Variants in CFAP54 observed in about 807,000 individuals in gnomAD.
CFAP54 encodes the protein cilia and flagella associated protein 54.
A neutral mutation model predicts 370.4 loss-of-function variants in CFAP54; 290 were observed. The observed-to-expected ratio is 0.78, with a 90% CI of 0.71 to 0.86. The LOEUF is 0.86. Ranked by LOEUF, CFAP54 falls within the 40% of genes least tolerant of loss-of-function variation. The pLI, the probability that CFAP54 is intolerant of heterozygous loss-of-function variation, is 0.00. For synonymous variants in CFAP54, 1,206 were observed against 1,236.5 expected (o/e 0.98, Z 0.52); for missense variants, 3,399 against 3,528.7 (o/e 0.96, Z 0.93).
At chr12:96,627,106 A>G (rs983746025) in intron 30 of CFAP54, among the ~76,000 whole-genome samples, 167 bp downstream of exon 30, 3 of 152,232 alleles carry the variant, frequency 2.0e-5, no homozygotes, top group Non-Finnish European at 1.5e-5. Flanking sequence ...AATAACTAAA[A>G]ATAAAAATAT....
intron 39 of CFAP54, among the ~76,000 whole-genome samples, chr12:96,675,365 G>A (rs976158449): frequency 6.6e-5 from 10 of 152,100 alleles, no homozygotes; most frequent in Non-Finnish European, 8.8e-5. Flanking sequence ...CATCAGAGAA[G>A]TGCAAATCAA....
chr12:96,651,492 T>C, intron 35 of CFAP54, 96 bp from the exon 36 acceptor site: 1 of 945,734 alleles, frequency 1.1e-6, no homozygotes, highest in Non-Finnish European at 1.6e-6. Context: ...TAGTTATTTT[T>C]ACTATTGACA....
At chr12:96,772,093 T>C (rs1958468604) in intron 60 of CFAP54, among the ~76,000 whole-genome samples, 2 of 152,204 alleles carry the variant, frequency 1.3e-5, no homozygotes, top group Non-Finnish European at 2.9e-5. Flanking sequence ...GTTTAATTCA[T>C]TTTTTTGAAT....
chr12:96,687,828 A>G (rs1957344469), intron 42 of CFAP54, among the ~76,000 whole-genome samples: 1 of 152,236 alleles, frequency 6.6e-6, no homozygotes, highest in Non-Finnish European at 1.5e-5. Context: ...GGAAAGGAAC[A>G]GCTTGGAAAG....
intron 65 of CFAP54, among the ~76,000 whole-genome samples, chr12:96,821,740 T>C (rs531365456): frequency 6.7e-6 from 1 of 149,838 alleles, no homozygotes; most frequent in African/African-American, 2.4e-5. Flanking sequence ...CTGGGTTGTA[T>C]CAGATAAATT....
At position 96,611,219 on chromosome 12, in the gene CFAP54, C is replaced by T. The variant is rs557168810; in HGVS notation, c.3640-10371C>T. 4.1e-3 allele frequency among the ~76,000 whole-genome samples: 623 copies of T among 152,262 alleles called. 4 individuals carry two copies. The highest frequency in any genetic ancestry group is 0.014 in the African/African-American group (576 of 41,554). ...AGAGGAATGATCAGGCAGCAACATTCGCTGTTCAGCAATATTTGCTGTTCT... is the reference window on the plus strand; with the variant it reads ...AGAGGAATGATCAGGCAGCAACATTTGCTGTTCAGCAATATTTGCTGTTCT... On this transcript the variant is annotated intron_variant, in intron 26 of 67. Coordinates refer to ENST00000524981, the MANE Select transcript of CFAP54 (RefSeq NM_001306084.2).
At chr12:96,679,309 C>T (rs1230027465) in intron 39 of CFAP54, among the ~76,000 whole-genome samples, 1 of 150,624 alleles carries the variant, frequency 6.6e-6, no homozygotes, top group Non-Finnish European at 1.5e-5. Flanking sequence ...TTATGATCAG[C>T]AAAAGAAAAA....
At position 96,823,114 on chromosome 12, in the gene CFAP54, G is replaced by A. The variant is rs573596928; in HGVS notation, c.9096+5201G>A. ...AAAGTCTCATTTACATAGATCGTGTGTGTTTGTCTGTGTGTGTGTGTGTCT... is the reference window on the plus strand; with the variant it reads ...AAAGTCTCATTTACATAGATCGTGTATGTTTGTCTGTGTGTGTGTGTGTCT... On this transcript the variant is annotated intron_variant, in intron 65 of 67. Coordinates refer to ENST00000524981, the MANE Select transcript of CFAP54 (RefSeq NM_001306084.2). Among the ~76,000 whole-genome samples the A allele has an allele frequency of 1.8e-3, 217 of 117,738 alleles. 3 individuals carry two copies. The highest frequency in any genetic ancestry group is 6.6e-3 in the African/African-American group (214 of 32,476). The allele number at this position is 117,738 out of a possible 152,430, so 77.2% of individuals were successfully genotyped here.
intron 42 of CFAP54, among the ~76,000 whole-genome samples, chr12:96,687,925 G>A (rs1211861454): frequency 6.6e-6 from 1 of 152,202 alleles, no homozygotes; most frequent in African/African-American, 2.4e-5. Flanking sequence ...CAAACAGAAA[G>A]TCATTTCCTG....
chr12:96,685,193 T>C lies in CFAP54; in HGVS notation c.5969T>C (p.Ile1990Thr). 1.2e-6 allele frequency: 2 copies of C among 1,614,088 alleles called. No individual in the cohort carries two copies. Among genetic ancestry groups the C allele is most frequent in the Non-Finnish European group, 1.7e-6 (2 of 1,179,998 alleles). Residue 1990 changes from isoleucine (I) to threonine (T), a missense_variant, in exon 42 of 68, where the codon ATC (isoleucine) becomes ACC (threonine). By Grantham distance (89) the Ile-to-Thr change is moderately conservative (BLOSUM62 -1). Around this residue, in one of 3 missense-constraint regions of CFAP54, gnomAD observed 2,796 missense variants for 2,869.7 expected, o/e 0.97. Transcript: ENST00000524981. The stretch of plus-strand genomic sequence containing the variant: ...GAGGAGTTTCTGTCAAGAGTTGGCA[T>C]CTGGGGGTGTTTGCAAGGAGCAGTC... ...YSEEFLSRVGIWGCLQGAVIS... is the reference protein window; with the variant it reads ...YSEEFLSRVGTWGCLQGAVIS...
intron 3 of CFAP54, among the ~76,000 whole-genome samples, chr12:96,505,691 T>TG (rs1955092201): frequency 2.6e-5 from 4 of 152,022 alleles, no homozygotes; most frequent in African/African-American, 9.6e-5. Context: ...TTAGTAGAGA[T>TG]GGGGTTTCTC....
At chr12:96,688,099 A>G (rs1037881492) in intron 42 of CFAP54, among the ~76,000 whole-genome samples, 4 of 152,170 alleles carry the variant, frequency 2.6e-5, no homozygotes, top group Non-Finnish European at 4.4e-5. Context: ...CTACATTAAC[A>G]TTGTTGTTAA....
chr12:96,571,866 A>G (rs558463728), intron 19 of CFAP54, among the ~76,000 whole-genome samples: 4 of 152,292 alleles, frequency 2.6e-5, no homozygotes, highest in African/African-American at 9.6e-5. Flanking sequence ...CTAGTTTTTA[A>G]CTAGCCTTAG....
At chr12:96,675,043 T>G (rs1373266155) in intron 39 of CFAP54, among the ~76,000 whole-genome samples, 12 of 152,010 alleles carry the variant, frequency 7.9e-5, no homozygotes, top group Non-Finnish European at 1.8e-4. Flanking sequence ...ACTTCATGTC[T>G]AAAACACCAA....
chr12:96,511,350 G>A (rs1014560103), intron 4 of CFAP54, among the ~76,000 whole-genome samples: 7 of 152,050 alleles, frequency 4.6e-5, no homozygotes, highest in African/African-American at 1.2e-4. Context: ...ATGGAGACTC[G>A]CTCTGTCACC....
intron 58 of CFAP54, among the ~76,000 whole-genome samples, chr12:96,762,645 C>G (rs1417812187): frequency 1.3e-5 from 2 of 152,206 alleles, no homozygotes; most frequent in Non-Finnish European, 1.5e-5. Flanking sequence ...ATGTTGTTCT[C>G]TATTCTTCAT....
Position 96,564,484 on chromosome 12 carries a change from T to G in CFAP54, c.2427T>G (p.Thr809=), listed in dbSNP as rs1454818470. ...LDKLQVLQTP[T]VSKDISTKGP... is the part of the protein sequence containing the mutation. ...CTTCTTCAGTTTTGCAGACTCCAAC[T>G]GTTAGCAAAGATATTTCTACCAAGG... The change falls in exon 18 of 68, where the codon ACT becomes ACG. Residue 809 remains threonine, a synonymous_variant. Transcript: ENST00000524981. The G allele has an allele frequency of 1.4e-6, 1 of 697,948 alleles. No individual in the cohort carries two copies. Among genetic ancestry groups the G allele is most frequent in the Non-Finnish European group, 2.6e-6 (1 of 382,314 alleles). 43.2% of individuals were successfully genotyped at this position (697,948 alleles called of 1,614,324 possible).
intron 58 of CFAP54, among the ~76,000 whole-genome samples, chr12:96,761,280 A>G (rs1958333649): frequency 6.6e-6 from 1 of 152,070 alleles, no homozygotes; most frequent in Non-Finnish European, 1.5e-5. Flanking sequence ...GGAAATGTCT[A>G]TTCAGATCTT....
At chr12:96,696,516 T>G (rs1043362603) in intron 45 of CFAP54, among the ~76,000 whole-genome samples, 1 of 152,158 alleles carries the variant, frequency 6.6e-6, no homozygotes, top group African/African-American at 2.4e-5. Context: ...TAGCACTTGG[T>G]AGCTGTTTTT....
Sources: gnomAD v4.1 joint callset for allele counts (sites outside exome capture counted in the v4.1 genomes callset) on GRCh38, gnomAD v4.1.1 for gene constraint, gnomAD v4.1.1 regional missense constraint, MANE v1.5 for transcripts, NCBI Gene and HGNC (gene_info 2026-07-23, HGNC 2026-07-21) for gene names.